The following OR4F3 variants were observed in gnomAD, a reference collection of about 807,000 sequenced individuals.
OR4F3 encodes olfactory receptor family 4 subfamily F member 3.
At chr5:181,356,612 C>G in the OR4F3 span, among the ~76,000 whole-genome samples, 1 of 135,290 alleles carries the variant, frequency 7.4e-6, no homozygotes, top group Non-Finnish European at 1.6e-5. Context: ...CAGATTGTTC[C>G]CCCTGCAGGA....
At chr5:181,357,417 T>A in the OR4F3 span, among the ~76,000 whole-genome samples, 12,740 of 123,584 alleles carry the variant, frequency 0.1, 645 homozygotes, top group Non-Finnish European at 0.11. Context: ...CTCACTTGTA[T>A]CATGTTATCT....
the OR4F3 span, among the ~76,000 whole-genome samples, chr5:181,359,090 G>T: frequency 8.1e-6 from 1 of 122,884 alleles, no homozygotes; most frequent in Non-Finnish European, 1.7e-5. Context: ...GAATATGTTT[G>T]GTAACATTGT....
chr5:181,354,462 C>A, the OR4F3 span, among the ~76,000 whole-genome samples: 57 of 132,148 alleles, frequency 4.3e-4, 13 homozygotes, highest in Non-Finnish European at 7.4e-4. Context: ...GATCTCCAGA[C>A]AGAAGTTTGC....
the OR4F3 span, among the ~76,000 whole-genome samples, chr5:181,357,219 C>G: frequency 0.06 from 5,312 of 88,726 alleles, 12 homozygotes; most frequent in Middle Eastern, 0.1. Flanking sequence ...TATTTAATCA[C>G]CCATAACATA....
the OR4F3 span, among the ~76,000 whole-genome samples, chr5:181,359,442 T>C: frequency 9.5e-6 from 1 of 105,708 alleles, no homozygotes; most frequent in South Asian, 3.0e-4. Flanking sequence ...GTAATCGTTA[T>C]GTAAATGATT....
chr5:181,362,414 G>T (rs1205801885), upstream of OR4F3, among the ~76,000 whole-genome samples: 1 of 120,602 alleles, frequency 8.3e-6, no homozygotes. Context: ...TGAAACTTAT[G>T]GCTTTAGATT....
the OR4F3 span, among the ~76,000 whole-genome samples, chr5:181,362,012 A>G: frequency 2.9e-5 from 3 of 101,840 alleles, no homozygotes; most frequent in Non-Finnish European, 5.7e-5. Flanking sequence ...GTGAGAAGGT[A>G]ATACTGGAAA....
At chr5:181,360,801 C>G in the OR4F3 span, among the ~76,000 whole-genome samples, 1 of 131,584 alleles carries the variant, frequency 7.6e-6, no homozygotes, top group East Asian at 2.0e-4. Context: ...TTTATTGATT[C>G]CTTTTCCTAC....
the OR4F3 span, among the ~76,000 whole-genome samples, chr5:181,354,781 CAT>C: frequency 3.2e-5 from 4 of 124,218 alleles, 1 homozygote; most frequent in African/African-American, 1.4e-4. Context: ...GGATGTGAGA[CAT>C]AGAGTCAAAG....
the OR4F3 span, among the ~76,000 whole-genome samples, chr5:181,354,447 G>A: frequency 2.4e-4 from 31 of 131,556 alleles, 5 homozygotes; most frequent in African/African-American, 7.1e-4. Context: ...GTATGGAAAT[G>A]CCTGGATCTC....
the OR4F3 span, among the ~76,000 whole-genome samples, chr5:181,356,769 G>A: frequency 2.2e-5 from 3 of 134,828 alleles, no homozygotes; most frequent in African/African-American, 8.8e-5. Flanking sequence ...TTTTATGGTT[G>A]CAATTTTACA....
chr5:181,356,613 C>T, the OR4F3 span, among the ~76,000 whole-genome samples: 1 of 135,276 alleles, frequency 7.4e-6, no homozygotes, highest in Non-Finnish European at 1.6e-5. Flanking sequence ...AGATTGTTCC[C>T]CCTGCAGGAA....
At chr5:181,362,754 AT>A (rs1364012887), upstream of OR4F3, among the ~76,000 whole-genome samples, 1 of 79,346 alleles carries the variant, frequency 1.3e-5, no homozygotes, top group African/African-American at 7.5e-5. Context: ...GAGGTTAAGT[AT>A]TTTTACCTAT....
chr5:181,357,363 T>A, the OR4F3 span, among the ~76,000 whole-genome samples: 1 of 131,684 alleles, frequency 7.6e-6, no homozygotes, highest in Non-Finnish European at 1.6e-5. Context: ...ATTCTGTTCT[T>A]TAACCGCAAA....
chr5:181,358,464 G>T, the OR4F3 span, among the ~76,000 whole-genome samples: 1 of 120,606 alleles, frequency 8.3e-6, no homozygotes, highest in Non-Finnish European at 1.7e-5. Flanking sequence ...ATTGACTATG[G>T]CTTAGAGTGG....
the OR4F3 span, among the ~76,000 whole-genome samples, chr5:181,356,052 AG>A: frequency 3.4e-5 from 2 of 58,030 alleles, no homozygotes; most frequent in Admixed American, 1.8e-4. Flanking sequence ...AATCATTACG[AG>A]GGAGCAAGGT....
the OR4F3 span, among the ~76,000 whole-genome samples, chr5:181,354,418 C>T: frequency 7.6e-6 from 1 of 131,016 alleles, no homozygotes. Flanking sequence ...TGGGAACCTC[C>T]ACCTAGATTT....
chr5:181,361,301 A>G, the OR4F3 span, among the ~76,000 whole-genome samples: 3 of 64,398 alleles, frequency 4.7e-5, no homozygotes, highest in African/African-American at 3.1e-4. Context: ...AGTCTGCTCT[A>G]TTTCAATCTT....
At chr5:181,361,767 ACTT>A in the OR4F3 span, among the ~76,000 whole-genome samples, 2 of 91,754 alleles carry the variant, frequency 2.2e-5, no homozygotes, top group Admixed American at 1.0e-4. Flanking sequence ...GATTTGTTAC[ACTT>A]CTTAAACTGC....
Sources: allele counts gnomAD v4.1 joint callset (sites outside exome capture counted in the v4.1 genomes callset), GRCh38; gene constraint gnomAD v4.1.1; transcripts MANE v1.5; gene names NCBI Gene and HGNC (gene_info 2026-07-23, HGNC 2026-07-21).